ADAM20: variants seen among roughly 807,000 people sequenced by gnomAD.
ADAM20 encodes disintegrin and metalloproteinase domain-containing protein 20.
For synonymous variants in ADAM20, 305 were observed against 310.2 expected (o/e 0.98, Z 0.18); for missense variants, 871 against 883.2 (o/e 0.99, Z 0.18).
chr14:70,564,008 C>T, the ADAM20 span, among the ~76,000 whole-genome samples: 1 of 152,250 alleles, frequency 6.6e-6, no homozygotes, highest in East Asian at 1.9e-4. Context: ...CACCTCAGCC[C>T]ATGACTTCTC....
chr14:70,555,739 T>G, the ADAM20 span, among the ~76,000 whole-genome samples: 2 of 152,328 alleles, frequency 1.3e-5, no homozygotes, highest in Admixed American at 6.5e-5. Context: ...TGAATTTACT[T>G]TAATTTCCAT....
rs187181836 is a variant in ADAM20, at chr14:70,524,480, G to A, written c.278C>T (p.Thr93Ile). 5.6e-6 allele frequency: 9 copies of A among 1,614,026 alleles called. No individual in the cohort carries two copies. The Admixed American group carries it at 1.2e-4, about 21-fold the overall frequency. ...FAAHLPVFTY[T>I]EQHALLQDQP... ...ATCCTGGAGCAGGGCATGCTGCTCT[G>A]TGTAGGTGAACACAGGAAGGTGTGC... is the stretch of plus-strand genomic sequence containing the variant. Residue 93 changes from threonine to isoleucine, a missense_variant, in exon 2 of 2, where the codon ACA (threonine) becomes ATA (isoleucine). Transcript: ENST00000256389.
chr14:70,522,697 C>T lies in ADAM20; in HGVS notation c.2061G>A (p.Val687=). ...GTGACAGGTAACGCAACTTTCCCATCACATTTAATCCTTCCATGTTGTTCT... is the reference window on the plus strand; with the variant it reads ...GTGACAGGTAACGCAACTTTCCCATTACATTTAATCCTTCCATGTTGTTCT... ...PPKNNMEGLN[V]MGKLRYLSLL... The change falls in exon 2 of 2, where the codon GTG becomes GTA. Residue 687 remains valine, a synonymous_variant. Coordinates refer to ENST00000256389, the MANE Select transcript of ADAM20 (RefSeq NM_003814.5). The T allele has an allele frequency of 3.1e-6, 5 of 1,614,024 alleles. No homozygotes were observed. The highest frequency in any genetic ancestry group is 4.2e-6 in the Non-Finnish European group (5 of 1,179,916).
the ADAM20 span, among the ~76,000 whole-genome samples, chr14:70,578,624 A>C: frequency 0.11 from 16,568 of 152,244 alleles, 1,351 homozygotes; most frequent in East Asian, 0.49. Flanking sequence ...AGAATCTATA[A>C]GGATCTTAAA....
At chr14:70,541,893 G>T in the ADAM20 span, among the ~76,000 whole-genome samples, 3 of 152,056 alleles carry the variant, frequency 2.0e-5, no homozygotes, top group Admixed American at 6.6e-5. Flanking sequence ...TTTAACTTTG[G>T]CTACCCTAAA....
chr14:70,569,349 C>T, the ADAM20 span, among the ~76,000 whole-genome samples: 3 of 152,136 alleles, frequency 2.0e-5, no homozygotes, highest in Non-Finnish European at 4.4e-5. Flanking sequence ...TCAGATGCTA[C>T]AAAACAATTA....
At chr14:70,546,359 C>T in the ADAM20 span, among the ~76,000 whole-genome samples, 6 of 152,118 alleles carry the variant, frequency 3.9e-5, no homozygotes, top group African/African-American at 1.2e-4. Context: ...CCAAGGTGGT[C>T]GAGGCACAGC....
rs754919285 is a variant in ADAM20, at chr14:70,523,287, C to A, written c.1471G>T (p.Val491Leu). Reference sequence around the variant, plus strand: ...ACATTACAGGAGATCCCGTCCTGCACATACACATCATCTGGGCATTGATGG... The same window carrying A: ...ACATTACAGGAGATCCCGTCCTGCAAATACACATCATCTGGGCATTGATGG... ...TSHQCPDDVY[V>L]QDGISCNVNA... The change falls in exon 2 of 2, where the codon GTG (valine) becomes TTG (leucine). Residue 491 changes from valine (V) to leucine (L), a missense_variant. By Grantham distance (32) the Val-to-Leu change is conservative. Coordinates refer to ENST00000256389, the MANE Select transcript of ADAM20 (RefSeq NM_003814.5). 12 of 1,613,916 alleles carry A rather than the reference C, an allele frequency of 7.4e-6. No individual in the cohort carries two copies. The highest frequency in any genetic ancestry group is 9.3e-6 in the Non-Finnish European group (11 of 1,179,948).
the ADAM20 span, among the ~76,000 whole-genome samples, chr14:70,568,209 T>C: frequency 1.3e-5 from 2 of 152,204 alleles, no homozygotes; most frequent in Non-Finnish European, 1.5e-5. Context: ...ATATGTTCAA[T>C]ACATCGCTAC....
rs1478596547 is a variant in ADAM20 at position 70,524,116 on chromosome 14, G to A, written c.642C>T (p.Val214=). Residue 214 remains valine (V), a synonymous_variant, in exon 2 of 2, where the codon GTC becomes GTT. Coordinates refer to ENST00000256389, the MANE Select transcript of ADAM20 (RefSeq NM_003814.5). ...AGAAAAGATATCTAATATTATCCAC[G>A]ACCACTACCAGCTCAACAAACCGCT... ...THQRFVELVV[V]VDNIRYLFSQ... is the part of the protein sequence containing the mutation. The A allele has an allele frequency of 1.1e-5, 17 of 1,613,522 alleles. No individual in the cohort carries two copies. Among genetic ancestry groups the A allele is most frequent in the African/African-American group, 4.0e-5 (3 of 74,834 alleles).
At chr14:70,559,294 T>C in the ADAM20 span, among the ~76,000 whole-genome samples, 2 of 149,414 alleles carry the variant, frequency 1.3e-5, no homozygotes, top group Admixed American at 1.3e-4. Flanking sequence ...AAAAAAAGCT[T>C]ACAGTCATCC....
chr14:70,579,296 TCCCA>T, the ADAM20 span, among the ~76,000 whole-genome samples: 1 of 152,136 alleles, frequency 6.6e-6, no homozygotes, highest in Admixed American at 6.6e-5. Context: ...TAATTTACAT[TCCCA>T]CCAAGTGTGT....
the ADAM20 span, among the ~76,000 whole-genome samples, chr14:70,542,554 G>A: frequency 5.3e-5 from 8 of 152,242 alleles, no homozygotes; most frequent in African/African-American, 1.9e-4. Context: ...CAACTCATAG[G>A]TATTTGATGG....
chr14:70,549,898 C>G, the ADAM20 span, among the ~76,000 whole-genome samples: 1 of 27,516 alleles, frequency 3.6e-5, no homozygotes, highest in Admixed American at 5.0e-4. Context: ...TGACCACATA[C>G]TTGGAAGTAA....
chr14:70,553,525 TAAAAAAAAAA>T, the ADAM20 span, among the ~76,000 whole-genome samples: 6 of 57,010 alleles, frequency 1.1e-4, no homozygotes, highest in Admixed American at 1.0e-3. Flanking sequence ...GCAAAAATCC[TAAAAAAAAAA>T]AAAAAAAAAA....
the ADAM20 span, among the ~76,000 whole-genome samples, chr14:70,567,720 T>A: frequency 2.0e-5 from 3 of 151,860 alleles, no homozygotes; most frequent in African/African-American, 7.3e-5. Context: ...ATCACAGAGT[T>A]GCCTGCCCTG....
At chr14:70,575,332 C>A in the ADAM20 span, among the ~76,000 whole-genome samples, 1 of 152,014 alleles carries the variant, frequency 6.6e-6, no homozygotes, top group Admixed American at 6.6e-5. Flanking sequence ...GTTGCTGGGA[C>A]TACAGGTGCA....
chr14:70,574,631 C>T, the ADAM20 span, among the ~76,000 whole-genome samples: 1 of 151,004 alleles, frequency 6.6e-6, no homozygotes, highest in Non-Finnish European at 1.5e-5. Context: ...CAGAGCGAGA[C>T]TCCGTCTCAA....
the ADAM20 span, chr14:70,556,167 G>T: frequency 1.3e-5 from 2 of 152,360 alleles, no homozygotes; most frequent in African/African-American, 4.8e-5. Flanking sequence ...CCTGCCAGCG[G>T]CGCACAAACC....
Sources: allele counts gnomAD v4.1 joint callset (sites outside exome capture counted in the v4.1 genomes callset), GRCh38; gene constraint gnomAD v4.1.1; transcripts MANE v1.5; gene names NCBI Gene and HGNC (gene_info 2026-07-23, HGNC 2026-07-21).